NCOR1: variants seen among roughly 807,000 people sequenced by gnomAD.
NCOR1 encodes the protein nuclear receptor corepressor 1.
NCOR1 carries 63 observed loss-of-function variants against 288.1 expected under a neutral mutation model. The observed-to-expected ratio is 0.22, with a 90% CI of 0.18 to 0.27. NCOR1 has a LOEUF of 0.27. Ranked by LOEUF, NCOR1 falls within the 10% of genes least tolerant of loss-of-function variation. The probability of loss-of-function intolerance (pLI) is 1.00; values close to 1 mark genes in which losing one functional copy is unlikely to be tolerated. For synonymous variants in NCOR1, 1,007 were observed against 1,065.9 expected (o/e 0.94, Z 1.08); for missense variants, 2,397 against 3,019.2 (o/e 0.79, Z 4.83).
chr17:16,174,630 C>T (rs763205302), intron 3 of NCOR1, among the ~76,000 whole-genome samples: 8 of 152,064 alleles, frequency 5.3e-5, no homozygotes, highest in Non-Finnish European at 1.0e-4. Context: ...TTTAGAAGAA[C>T]AAATCTACTC....
intron 5 of NCOR1, among the ~76,000 whole-genome samples, chr17:16,162,515 G>A (rs762197430): frequency 5.0e-4 from 74 of 148,730 alleles, no homozygotes; most frequent in Non-Finnish European, 8.8e-4. Flanking sequence ...ACAGAACCCC[G>A]AAGAAAAGAA....
At chr17:16,109,939 G>C (rs1298170275) in intron 18 of NCOR1, among the ~76,000 whole-genome samples, 2 of 152,104 alleles carry the variant, frequency 1.3e-5, no homozygotes, top group Non-Finnish European at 2.9e-5. Context: ...TCACCATCTT[G>C]GCCAGGCTGG....
intron 37 of NCOR1, among the ~76,000 whole-genome samples, chr17:16,059,332 A>G (rs1029966835): frequency 1.3e-5 from 2 of 152,240 alleles, no homozygotes; most frequent in Non-Finnish European, 2.9e-5. Flanking sequence ...TATGGATTAT[A>G]TAACACTATA....
intron 1 of NCOR1, among the ~76,000 whole-genome samples, chr17:16,199,782 G>A (rs566761806): frequency 8.5e-5 from 13 of 152,128 alleles, no homozygotes; most frequent in Admixed American, 3.9e-4. Flanking sequence ...AAATCTGATC[G>A]AGATTTTATA....
At chr17:16,154,093 C>G (rs535438958) in intron 6 of NCOR1, among the ~76,000 whole-genome samples, 1 of 137,844 alleles carries the variant, frequency 7.3e-6, no homozygotes, top group Admixed American at 7.8e-5. Flanking sequence ...ATGGCACGAT[C>G]ATAGCTCACT....
chr17:16,139,928 A>G (rs2076925759), intron 11 of NCOR1, among the ~76,000 whole-genome samples: 1 of 152,240 alleles, frequency 6.6e-6, no homozygotes, highest in Admixed American at 6.5e-5. Context: ...ATACTGCCTA[A>G]TAGTCAAGTC....
chr17:16,161,467 T>C (rs1328014323), intron 5 of NCOR1, among the ~76,000 whole-genome samples: 2 of 152,164 alleles, frequency 1.3e-5, no homozygotes, highest in Non-Finnish European at 2.9e-5. Flanking sequence ...GCTAATTTTT[T>C]GTATTTTTAG....
At chr17:16,185,342 C>T (rs553970472) in intron 3 of NCOR1, among the ~76,000 whole-genome samples, 1 of 152,098 alleles carries the variant, frequency 6.6e-6, no homozygotes, top group African/African-American at 2.4e-5. Flanking sequence ...ATTATCTATA[C>T]GTATCCCATA....
chr17:16,156,202 A>G (rs1465458620), intron 6 of NCOR1, among the ~76,000 whole-genome samples: 1 of 152,168 alleles, frequency 6.6e-6, no homozygotes, highest in Non-Finnish European at 1.5e-5. Flanking sequence ...TTGGGAGGCC[A>G]AGATGGGTAG....
At chr17:16,208,979 T>C (rs187835766) in intron 1 of NCOR1, among the ~76,000 whole-genome samples, 188 of 152,338 alleles carry the variant, frequency 1.2e-3, no homozygotes, top group Non-Finnish European at 1.6e-4. Flanking sequence ...AGAGATCTTC[T>C]ACAGCAACCA....
At chr17:16,100,366 A>T (rs2067395603) in intron 20 of NCOR1, among the ~76,000 whole-genome samples, 1 of 152,152 alleles carries the variant, frequency 6.6e-6, no homozygotes, top group South Asian at 2.1e-4. Flanking sequence ...AACTGCAGGG[A>T]GCGGTGGCTC....
chr17:16,158,982 G>C (rs2080271193), intron 5 of NCOR1, 109 bp from the exon 6 acceptor site: 1 of 599,882 alleles, frequency 1.7e-6, no homozygotes. Context: ...AGATTCTGTA[G>C]GGTAACCAAT....
intron 5 of NCOR1, among the ~76,000 whole-genome samples, chr17:16,161,162 G>T (rs576846204): frequency 6.6e-6 from 1 of 151,442 alleles, no homozygotes; most frequent in East Asian, 2.0e-4. Flanking sequence ...ATCACACTTT[G>T]TTCTTAGTAC....
At chr17:16,125,557 C>G (rs1440578782) in intron 15 of NCOR1, among the ~76,000 whole-genome samples, 1 of 151,756 alleles carries the variant, frequency 6.6e-6, no homozygotes, top group Non-Finnish European at 1.5e-5. Context: ...AAAAAATTAG[C>G]TGGGCATGGT....
chr17:16,172,459 A>T (rs1444900475), intron 3 of NCOR1, among the ~76,000 whole-genome samples: 3 of 152,236 alleles, frequency 2.0e-5, no homozygotes, highest in Admixed American at 2.0e-4. Flanking sequence ...AATATCTATA[A>T]ACTAATATTT....
At chr17:16,197,924 C>A (rs945403362) in intron 1 of NCOR1, among the ~76,000 whole-genome samples, 1 of 152,112 alleles carries the variant, frequency 6.6e-6, no homozygotes, top group Non-Finnish European at 1.5e-5. Context: ...CAGTTACACT[C>A]CCAGAAGGCA....
At position 16,151,366 on chromosome 17, in the gene NCOR1, G is replaced by A. The variant is rs373814806; in HGVS notation, c.842+580C>T. ...GCAAACTACATTCTGGAGCAGCCTC[G>A]TCACCCACAAGGTGACTGAGCGCTT... On this transcript the variant is annotated intron_variant, in intron 8 of 45. Transcript: ENST00000268712. 2.3e-4 allele frequency among the ~76,000 whole-genome samples: 35 copies of A among 152,178 alleles called. 3 individuals are homozygous for A. Among genetic ancestry groups the A allele is most frequent in the African/African-American group, 7.2e-4 (30 of 41,528 alleles).
intron 44 of NCOR1, among the ~76,000 whole-genome samples, chr17:16,036,565 C>A (rs2056415633): frequency 6.6e-6 from 1 of 152,204 alleles, no homozygotes; most frequent in East Asian, 1.9e-4. Flanking sequence ...TATCAAAGAT[C>A]TTAGCTAGGT....
intron 3 of NCOR1, among the ~76,000 whole-genome samples, chr17:16,186,260 G>C (rs1287773856): frequency 1.3e-5 from 2 of 152,140 alleles, no homozygotes; most frequent in African/African-American, 4.8e-5. Flanking sequence ...GATGAGGCTT[G>C]GGCATCCCAA....
Sources: gnomAD v4.1 joint callset for allele counts (sites outside exome capture counted in the v4.1 genomes callset) on GRCh38, gnomAD v4.1.1 for gene constraint, MANE v1.5 for transcripts, NCBI Gene and HGNC (gene_info 2026-07-23, HGNC 2026-07-21) for gene names.